The following INVS variants were observed in gnomAD, a reference collection of about 807,000 sequenced individuals.
The protein encoded by INVS is inversin.
A neutral mutation model predicts 108.8 loss-of-function variants in INVS; 86 were observed. The observed-to-expected ratio is 0.79, with a 90% confidence interval of 0.66 to 0.95. The LOEUF is 0.95. Among genes scored for constraint, INVS ranks in the 40% least tolerant of loss-of-function variants. INVS has a pLI of 0.00. For synonymous variants in INVS, 455 were observed against 473.5 expected, an observed-to-expected ratio of 0.96 and a Z score of 0.51; for missense variants, 1,169 against 1,297.4, an observed-to-expected ratio of 0.90 and a Z score of 1.52.
At position 100,104,601 on chromosome 9, in the gene INVS, AG is replaced by A. The variant is rs763565647; in HGVS notation, c.83del (p.Gly28ValfsTer8). 1.9e-6 allele frequency: 3 copies of A among 1,613,798 alleles called. No homozygotes were observed. Among genetic ancestry groups the A allele is most frequent in the Non-Finnish European group, 1.7e-6 (2 of 1,179,790 alleles). On this transcript the variant is annotated frameshift_variant, in exon 2 of 17. Transcript: ENST00000262457. LOFTEE classifies it high-confidence loss of function. ...QVHAAAVNGD[K>X]GALQRLIVGN... Reference sequence around the variant, plus strand: ...CATGCTGCTGCCGTTAATGGAGATAAGGGTGCTCTACAGAGGCTCATCGTAG... The same window carrying A: ...CATGCTGCTGCCGTTAATGGAGATAAGGTGCTCTACAGAGGCTCATCGTAG...
At chr9:100,240,026 T>C (rs1564171833) in intron 5 of INVS, 34 bp from the exon 6 acceptor site, 1 of 1,564,474 alleles carries the variant, frequency 6.4e-7, no homozygotes, top group East Asian at 2.2e-5. Context: ...GAGGATTCCA[T>C]GTATGTCTGA....
chr9:100,100,965 A>AC (rs1491241404), intron 1 of INVS, among the ~76,000 whole-genome samples: 1 of 14,382 alleles, frequency 7.0e-5, no homozygotes, highest in African/African-American at 2.6e-4. Context: ...TTATATATAT[A>AC]ATATATATTA....
intron 2 of INVS, among the ~76,000 whole-genome samples, chr9:100,119,586 T>A (rs1314334050): frequency 6.6e-6 from 1 of 152,206 alleles, no homozygotes; most frequent in Non-Finnish European, 1.5e-5. Context: ...AGACAGAGTC[T>A]CACTCTGTCA....
At chr9:100,126,722 C>CT (rs1242190808) in intron 3 of INVS, among the ~76,000 whole-genome samples, 173 bp downstream of exon 3, 1 of 152,144 alleles carries the variant, frequency 6.6e-6, no homozygotes, top group East Asian at 1.9e-4. Context: ...GCACAGATAA[C>CT]TATCAGCGGC....
At chr9:100,157,272 T>TC (rs199929196) in intron 3 of INVS, among the ~76,000 whole-genome samples, 1 of 146,714 alleles carries the variant, frequency 6.8e-6, no homozygotes, top group Admixed American at 6.7e-5. Context: ...TTTTTCTTTT[T>TC]TTTTTTTTTT....
intron 3 of INVS, among the ~76,000 whole-genome samples, chr9:100,131,473 C>G (rs10988978): frequency 0.21 from 31,866 of 152,034 alleles, 5,674 homozygotes; most frequent in African/African-American, 0.49. Context: ...TCTCAATATA[C>G]TGAACATCTG....
intron 2 of INVS, among the ~76,000 whole-genome samples, chr9:100,110,886 C>T (rs907049135): frequency 6.6e-6 from 1 of 152,120 alleles, no homozygotes; most frequent in African/African-American, 2.4e-5. Context: ...AATCTCAAGT[C>T]CTCTCAAAAT....
At chr9:100,177,390 T>C (rs1829751232) in intron 3 of INVS, among the ~76,000 whole-genome samples, 1 of 152,226 alleles carries the variant, frequency 6.6e-6, no homozygotes, top group South Asian at 2.1e-4. Flanking sequence ...AAATTCTTGC[T>C]GCCATCACAG....
chr9:100,154,955 G>A (rs938503576), intron 3 of INVS, among the ~76,000 whole-genome samples: 8 of 152,152 alleles, frequency 5.3e-5, no homozygotes, highest in East Asian at 1.9e-4. Flanking sequence ...GCTCACGCCT[G>A]TAATCCCAGC....
chr9:100,268,142 C>T (rs1832848305), intron 11 of INVS, among the ~76,000 whole-genome samples: 1 of 152,028 alleles, frequency 6.6e-6, no homozygotes, highest in South Asian at 2.1e-4. Flanking sequence ...GGTGAAAGTA[C>T]AGCTACTCCA....
intron 10 of INVS, among the ~76,000 whole-genome samples, chr9:100,257,615 T>G (rs1832463753): frequency 6.6e-6 from 1 of 152,218 alleles, no homozygotes; most frequent in Admixed American, 6.5e-5. Context: ...GCTAACAAAA[T>G]CTCTCAGCAT....
intron 3 of INVS, among the ~76,000 whole-genome samples, chr9:100,172,498 A>G (rs7350268): frequency 0.19 from 29,313 of 152,084 alleles, 4,500 homozygotes; most frequent in African/African-American, 0.43. Context: ...AAAATCTTTT[A>G]TTTTTCCAAC....
At chr9:100,275,506 T>C (rs750329746) in intron 12 of INVS, among the ~76,000 whole-genome samples, 23 of 152,232 alleles carry the variant, frequency 1.5e-4, no homozygotes, top group Non-Finnish European at 8.8e-5. Flanking sequence ...TTCTCAAAAG[T>C]TATTTCTTAA....
Position 100,126,413 on chromosome 9 carries a change from A to T in INVS, c.137A>T (p.Gln46Leu). 2 of 1,614,008 alleles carry T rather than the reference A, an allele frequency of 1.2e-6. No individual in the cohort carries two copies. The highest frequency in any genetic ancestry group is 4.5e-5 in the East Asian group (2 of 44,888). The change falls in exon 3 of 17, where the codon CAG becomes CTG. Residue 46 changes from glutamine to leucine, a missense_variant. Gln to Leu is a moderately radical substitution (Grantham distance 113). Transcript: ENST00000262457. ...TCTGCTCTTAAAGACAAAGAAGATC[A>T]GTTTGGGAGAACACCACTTATGTAT... Reference protein sequence around the residue: ...GNSALKDKEDQFGRTPLMYCV... With the variant: ...GNSALKDKEDLFGRTPLMYCV...
intron 10 of INVS, among the ~76,000 whole-genome samples, chr9:100,261,358 C>T (rs754614704): frequency 2.8e-4 from 43 of 151,674 alleles, no homozygotes; most frequent in Non-Finnish European, 5.3e-4. Context: ...CTCCACCTCC[C>T]GGGTTCGCGC....
chr9:100,165,264 T>C (rs1829325606), intron 3 of INVS, among the ~76,000 whole-genome samples: 1 of 152,138 alleles, frequency 6.6e-6, no homozygotes, highest in African/African-American at 2.4e-5. Flanking sequence ...TGTTCAATTT[T>C]TGGCAAACTG....
rs147642935 is a variant in INVS, at chr9:100,238,035, C to T, written c.616-2025C>T. 2.5e-3 allele frequency among the ~76,000 whole-genome samples: 385 copies of T among 152,158 alleles called. 12 individuals carry two copies. In the East Asian group the frequency reaches 0.053, roughly 21 times the overall value. ...CTGGGACTACAGGCACATGCCACCA[C>T]GCACAGCTAATTTTTATATTTTTAG... On this transcript the variant is annotated intron_variant, in intron 5 of 16. Coordinates refer to ENST00000262457, the MANE Select transcript of INVS (RefSeq NM_014425.5).
chr9:100,154,287 C>G (rs1025938931), intron 3 of INVS, among the ~76,000 whole-genome samples: 1 of 148,482 alleles, frequency 6.7e-6, no homozygotes. Flanking sequence ...ACCTTAGGCT[C>G]CTGAGTAGCT....
chr9:100,228,096 TTC>T (rs1391786324), intron 4 of INVS, among the ~76,000 whole-genome samples: 1 of 151,548 alleles, frequency 6.6e-6, no homozygotes, highest in Non-Finnish European at 1.5e-5. Context: ...GTTCAAGCGA[TTC>T]TCATGCTTCA....
Sources: allele counts gnomAD v4.1 joint callset (sites outside exome capture counted in the v4.1 genomes callset), GRCh38; gene constraint gnomAD v4.1.1; transcripts MANE v1.5; gene names NCBI Gene and HGNC (gene_info 2026-07-23, HGNC 2026-07-21).